Variants in KIF6 observed in about 807,000 individuals in gnomAD.
The protein encoded by KIF6 is kinesin-like protein KIF6.
In KIF6, 106 loss-of-function variants were observed where a neutral mutation model predicts 112.7. The observed-to-expected ratio is 0.94, with a 90% confidence interval of 0.80 to 1.11. KIF6 has a LOEUF of 1.11. KIF6 is among the 50% of genes least tolerant of loss of function. The pLI, the probability that KIF6 is intolerant of heterozygous loss-of-function variation, is 0.00. For missense variants in KIF6, 929 were observed against 964.0 expected, an observed-to-expected ratio of 0.96 and a Z score of 0.48; for synonymous variants, 339 against 339.9, an observed-to-expected ratio of 1.00 and a Z score of 0.03.
In KIF6 at chr6:39,608,563, GTC is replaced by G. The variant is rs1328807646; in HGVS notation, c.639+4624_639+4625del. ...GCTGAAAAATTGTAAGTTGGGGAGT[GTC>G]TGTATGTCTTTTATTTCAAGCAAAG... On this transcript the variant is annotated intron_variant, in intron 6 of 22. Transcript: ENST00000287152. 3.9e-5 allele frequency among the ~76,000 whole-genome samples: 6 copies of G among 152,270 alleles called. No homozygotes were observed. In the East Asian group the frequency reaches 1.2e-3, roughly 29 times the overall value.
intron 5 of KIF6, among the ~76,000 whole-genome samples, chr6:39,628,317 C>G (rs2150747658): frequency 6.6e-6 from 1 of 152,006 alleles, no homozygotes; most frequent in Non-Finnish European, 1.5e-5. Context: ...TATTCACTTG[C>G]ATGTGCTTGT....
chr6:39,485,940 G>A (rs1432369381), intron 13 of KIF6, among the ~76,000 whole-genome samples: 1 of 152,158 alleles, frequency 6.6e-6, no homozygotes. Flanking sequence ...TCATAGATGA[G>A]AAAACTGAGG....
chr6:39,372,337 C>T (rs938432821), intron 16 of KIF6, among the ~76,000 whole-genome samples: 12 of 152,168 alleles, frequency 7.9e-5, no homozygotes, highest in Non-Finnish European at 1.3e-4. Context: ...CCACCAACAG[C>T]TATTAAGTCC....
intron 13 of KIF6, among the ~76,000 whole-genome samples, chr6:39,468,453 C>T (rs1404730502): frequency 6.6e-6 from 1 of 151,916 alleles, no homozygotes; most frequent in African/African-American, 2.4e-5. Flanking sequence ...AAGCTAAAGA[C>T]AAAGAGAAAA....
intron 3 of KIF6, among the ~76,000 whole-genome samples, chr6:39,701,975 T>C (rs913659772): frequency 9.2e-5 from 14 of 152,364 alleles, no homozygotes; most frequent in African/African-American, 3.1e-4. Flanking sequence ...TTATAAAATG[T>C]GGCCCTGATT....
intron 3 of KIF6, among the ~76,000 whole-genome samples, chr6:39,670,123 C>T (rs1460867774): frequency 6.6e-6 from 1 of 152,176 alleles, no homozygotes; most frequent in Non-Finnish European, 1.5e-5. Flanking sequence ...CATGTGGCTA[C>T]TCTGGGCGCG....
In KIF6 at chr6:39,545,624, C is replaced by T. The variant is rs377245127; in HGVS notation, c.1246G>A (p.Ala416Thr). 7.8e-5 allele frequency: 126 copies of T among 1,613,580 alleles called. No individual in the cohort carries two copies. Among genetic ancestry groups the T allele is most frequent in the Admixed American group, 1.3e-4 (8 of 59,986 alleles). Residue 416 changes from alanine (A) to threonine (T), a missense_variant, in exon 11 of 23, where the codon GCG (alanine) becomes ACG (threonine). Coordinates refer to ENST00000287152, the MANE Select transcript of KIF6 (RefSeq NM_145027.6). ...CAGTGATGAACTTTACGCATATCCG[C>T]GCCAACCTCTAATCTACTGTCTGAA... ...QDSDSRLEVG[A>T]DMRKVHHCFH...
chr6:39,523,124 A>C (rs1448179439), intron 13 of KIF6, among the ~76,000 whole-genome samples: 1 of 152,030 alleles, frequency 6.6e-6, no homozygotes, highest in Non-Finnish European at 1.5e-5. Flanking sequence ...CACTGTATCC[A>C]CTCAGAAACC....
At chr6:39,522,603 C>T (rs2150527702) in intron 13 of KIF6, among the ~76,000 whole-genome samples, 1 of 152,294 alleles carries the variant, frequency 6.6e-6, no homozygotes, top group East Asian at 1.9e-4. Flanking sequence ...ACTGCTTTGG[C>T]AAAGGTCACT....
intron 3 of KIF6, among the ~76,000 whole-genome samples, chr6:39,677,091 T>C (rs1351546350): frequency 6.6e-6 from 1 of 152,154 alleles, no homozygotes; most frequent in Non-Finnish European, 1.5e-5. Context: ...TATGCTTGAT[T>C]ACTGAATGCT....
intron 21 of KIF6, among the ~76,000 whole-genome samples, chr6:39,344,172 ATAAG>A (rs1763536688): frequency 6.6e-6 from 1 of 152,162 alleles, no homozygotes; most frequent in South Asian, 2.1e-4. Context: ...GTGGTAGTGA[ATAAG>A]TCTCATGAGA....
intron 5 of KIF6, among the ~76,000 whole-genome samples, chr6:39,630,766 G>C (rs1455254972): frequency 6.6e-6 from 1 of 151,958 alleles, no homozygotes; most frequent in Non-Finnish European, 1.5e-5. Flanking sequence ...TTGGGAGAAA[G>C]CATCTAGCTT....
chr6:39,544,659 T>C lies in KIF6; in HGVS notation c.1322A>G (p.Asn441Ser), dbSNP rs747035155. ...LLNDKKILEN[N>S]TVSSESKDQD... Reference sequence around the variant, plus strand: ...GTCTTTGCTTTCAGAGGAGACTGTATTGTTTTCAAGGATCTTCTTGTCATT... The same window carrying C: ...GTCTTTGCTTTCAGAGGAGACTGTACTGTTTTCAAGGATCTTCTTGTCATT... The change falls in exon 12 of 23, where the codon AAT becomes AGT. Residue 441 changes from asparagine to serine, a missense_variant. By Grantham distance (46) the Asn-to-Ser change is conservative. Around this residue, in one of 2 missense-constraint regions of KIF6, gnomAD observed 688 missense variants for 662.7 expected, o/e 1.04. Coordinates refer to ENST00000287152, the MANE Select transcript of KIF6 (RefSeq NM_145027.6). 6.2e-7 allele frequency: 1 copy of C among 1,607,908 alleles called. No homozygotes were observed. Among genetic ancestry groups the C allele is most frequent in the Non-Finnish European group, 8.5e-7 (1 of 1,177,988 alleles).
intron 10 of KIF6, among the ~76,000 whole-genome samples, chr6:39,561,485 G>A (rs959080237): frequency 5.9e-5 from 9 of 151,762 alleles, no homozygotes; most frequent in African/African-American, 2.2e-4. Context: ...TTGAGTAGCT[G>A]GGATTATAAG....
intron 3 of KIF6, among the ~76,000 whole-genome samples, chr6:39,673,133 G>C (rs1304092379): frequency 6.6e-6 from 1 of 152,188 alleles, no homozygotes; most frequent in Non-Finnish European, 1.5e-5. Flanking sequence ...ACCACCAGCA[G>C]CCTTGGTATT....
chr6:39,455,740 C>G (rs570827612), intron 13 of KIF6, among the ~76,000 whole-genome samples: 1 of 151,638 alleles, frequency 6.6e-6, no homozygotes. Flanking sequence ...CCTCAGGAGC[C>G]GATGCGATCA....
chr6:39,543,063 C>T (rs1213988955), intron 12 of KIF6, among the ~76,000 whole-genome samples: 1 of 152,206 alleles, frequency 6.6e-6, no homozygotes, highest in Non-Finnish European at 1.5e-5. Flanking sequence ...CTCTCTTTCA[C>T]TCTCTTTTAA....
At chr6:39,487,165 A>T (rs1775165434) in intron 13 of KIF6, among the ~76,000 whole-genome samples, 1 of 152,248 alleles carries the variant, frequency 6.6e-6, no homozygotes, top group African/African-American at 2.4e-5. Flanking sequence ...GATTCTTTTT[A>T]CTTAAATGAA....
intron 17 of KIF6, among the ~76,000 whole-genome samples, chr6:39,362,097 T>C (rs1054673358): frequency 3.3e-5 from 5 of 151,806 alleles, no homozygotes; most frequent in Admixed American, 1.3e-4. Context: ...TGCGTGAGAG[T>C]ATGACGTTCT....
Sources: gnomAD v4.1 joint callset for allele counts (sites outside exome capture counted in the v4.1 genomes callset) on GRCh38, gnomAD v4.1.1 for gene constraint, gnomAD v4.1.1 regional missense constraint, MANE v1.5 for transcripts, NCBI Gene and HGNC (gene_info 2026-07-23, HGNC 2026-07-21) for gene names.